SCN1A: variants seen among roughly 807,000 people sequenced by gnomAD.
The protein encoded by SCN1A is sodium channel protein type 1 subunit alpha.
In SCN1A, 13 loss-of-function variants were observed where a neutral mutation model predicts 193.7. The ratio of observed to expected loss-of-function variants is 0.07; its 90% CI spans 0.04 to 0.11. SCN1A has a LOEUF of 0.11. Ranked by LOEUF, SCN1A falls within the 10% of genes least tolerant of loss-of-function variation. The pLI is 1.00. For missense variants in SCN1A, 1,432 were observed against 2,451.1 expected, an observed-to-expected ratio of 0.58 and a Z score of 8.78; for synonymous variants, 781 against 843.6, an observed-to-expected ratio of 0.93 and a Z score of 1.29.
intron 2 of SCN1A, among the ~76,000 whole-genome samples, chr2:166,086,972 A>T (rs929397183): frequency 6.6e-6 from 1 of 152,062 alleles, no homozygotes; most frequent in Admixed American, 6.6e-5. Flanking sequence ...GTCTAGGTGT[A>T]TGATACTTGG....
intron 14 of SCN1A, among the ~76,000 whole-genome samples, chr2:166,043,177 A>G (rs1163816883): frequency 6.6e-6 from 1 of 152,220 alleles, no homozygotes; most frequent in Non-Finnish European, 1.5e-5. Context: ...GAGAAGACCT[A>G]TATCAGCATT....
chr2:166,054,943 A>G (rs2105903532), intron 6 of SCN1A, among the ~76,000 whole-genome samples, 177 bp from the exon 7 acceptor site: 1 of 152,124 alleles, frequency 6.6e-6, no homozygotes, highest in Non-Finnish European at 1.5e-5. Context: ...TCCTAACACA[A>G]AGAGTTGTTT....
intron 6 of SCN1A, among the ~76,000 whole-genome samples, chr2:166,056,144 G>A (rs1699106157): frequency 6.6e-6 from 1 of 151,962 alleles, no homozygotes; most frequent in Admixed American, 6.6e-5. Flanking sequence ...ACCACATTTG[G>A]TTTGGCTACT....
intron 2 of SCN1A, among the ~76,000 whole-genome samples, chr2:166,125,404 G>T (rs1691124723): frequency 1.3e-5 from 2 of 152,170 alleles, no homozygotes; most frequent in Admixed American, 6.5e-5. Flanking sequence ...AAGGTCCCCA[G>T]GCTAAATTTT....
At position 166,033,871 on chromosome 2, in the gene SCN1A, T is replaced by G. The variant is rs1295814302; in HGVS notation, c.3429+2177A>C. 5.3e-5 allele frequency among the ~76,000 whole-genome samples: 8 copies of G among 152,156 alleles called. No individual in the cohort carries two copies. In the South Asian group the frequency reaches 1.2e-3, roughly 24 times the overall value. On this transcript the variant is annotated intron_variant, in intron 19 of 28. Transcript: ENST00000674923. ...TATAACAGATAGCATATGGTAGCCA[T>G]TAGTCCTCATCAAATGCTAAATGTA...
rs551996542 is a variant in SCN1A, at chr2:165,991,222, C to T, written c.*23G>A. ...CACAGGCTGTAAACAATTTGTCACC[C>T]AATTATTTTTATTTATTTTCATTTA... On this transcript the variant is annotated 3_prime_UTR_variant, in exon 29 of 29. Coordinates refer to ENST00000674923, the MANE Select transcript of SCN1A (RefSeq NM_001165963.4). The T allele has an allele frequency of 6.4e-7, 1 of 1,574,778 alleles. No homozygotes were observed. The highest frequency in any genetic ancestry group is 2.3e-5 in the East Asian group (1 of 43,052).
chr2:166,126,551 A>G (rs1254717002), intron 2 of SCN1A: 1 of 152,210 alleles, frequency 6.6e-6, no homozygotes, highest in Admixed American at 6.5e-5. Flanking sequence ...GAATTTTCCT[A>G]TTTCTGTCTG....
chr2:166,134,365 A>T (rs1356456995), intron 1 of SCN1A, among the ~76,000 whole-genome samples: 1 of 152,194 alleles, frequency 6.6e-6, no homozygotes, highest in African/African-American at 2.4e-5. Flanking sequence ...AAGAAGCAAA[A>T]TGGAAGTGAG....
chr2:165,996,345 A>G (rs1690061650), intron 26 of SCN1A: 1 of 366,004 alleles, frequency 2.7e-6, no homozygotes, highest in Non-Finnish European at 5.0e-6. Flanking sequence ...TATGAAGACA[A>G]ACACCCCCAA....
intron 2 of SCN1A, among the ~76,000 whole-genome samples, chr2:166,101,398 T>C (rs1348846975): frequency 7.0e-6 from 1 of 143,368 alleles, no homozygotes; most frequent in East Asian, 2.2e-4. Context: ...TTGGGAGATA[T>C]ACCTAATGCT....
At chr2:166,007,161 C>T (rs1480739165) in intron 23 of SCN1A, 1 of 150,526 alleles carries the variant, frequency 6.6e-6, no homozygotes, top group Non-Finnish European at 1.5e-5. Context: ...CTTCCCAATC[C>T]CTCCCTCACC....
chr2:166,091,666 C>G (rs1294942969), intron 2 of SCN1A, among the ~76,000 whole-genome samples: 1 of 152,190 alleles, frequency 6.6e-6, no homozygotes. Context: ...AGACAAGACC[C>G]TTTTCCCTAT....
intron 7 of SCN1A, among the ~76,000 whole-genome samples, chr2:166,053,889 T>C (rs1698857134): frequency 6.6e-6 from 1 of 151,872 alleles, no homozygotes; most frequent in Non-Finnish European, 1.5e-5. Flanking sequence ...TGAGGAAGTT[T>C]GCCACTAGAA....
At position 166,121,362 on chromosome 2, in the gene SCN1A, T is replaced by A. The variant is rs564750670; in HGVS notation, c.-142+5562A>T. Among the ~76,000 whole-genome samples, 4 of 152,212 alleles carry A rather than the reference T, an allele frequency of 2.6e-5. No homozygotes were observed. The South Asian group carries it at 8.3e-4, about 32-fold the overall frequency. On this transcript the variant is annotated intron_variant, in intron 2 of 28. Coordinates refer to ENST00000674923, the MANE Select transcript of SCN1A (RefSeq NM_001165963.4). ...TTAAATTAACCTGAGTCAGTTTCAG[T>A]TACTTATTGTAATACTTTAATTTTT... is the stretch of plus-strand genomic sequence containing the variant.
intron 2 of SCN1A, among the ~76,000 whole-genome samples, chr2:166,101,593 A>C (rs535493440): frequency 6.6e-6 from 1 of 152,252 alleles, no homozygotes; most frequent in East Asian, 1.9e-4. Flanking sequence ...CGACGTTCTG[A>C]TCTTGAACAC....
At chr2:165,995,913 AT>A (rs1689966115) in intron 27 of SCN1A, 99 bp downstream of exon 27, 3 of 822,422 alleles carry the variant, frequency 3.6e-6, no homozygotes, top group Non-Finnish European at 6.2e-6. Context: ...AGTGAAAGAA[AT>A]TTTTTCTACT....
chr2:166,052,542 C>T (rs1457721535), intron 8 of SCN1A, among the ~76,000 whole-genome samples: 1 of 151,128 alleles, frequency 6.6e-6, no homozygotes, highest in African/African-American at 2.4e-5. Context: ...TCATTAATGA[C>T]TCTAATGAAT....
At chr2:166,032,333 A>G (rs7579402) in intron 19 of SCN1A, among the ~76,000 whole-genome samples, 2,322 of 136,676 alleles carry the variant, frequency 0.017, 63 homozygotes, top group African/African-American at 0.06. Context: ...GAAAATAGGC[A>G]AAAAGAATAA....
At chr2:166,029,519 G>A (rs193069159) in intron 19 of SCN1A, among the ~76,000 whole-genome samples, 99 of 152,250 alleles carry the variant, frequency 6.5e-4, no homozygotes, top group Non-Finnish European at 1.1e-3. Context: ...ATGTGCTTAG[G>A]TTGGAGATTG....
Sources: gnomAD v4.1 joint callset for allele counts (sites outside exome capture counted in the v4.1 genomes callset) on GRCh38, gnomAD v4.1.1 for gene constraint, MANE v1.5 for transcripts, NCBI Gene and HGNC (gene_info 2026-07-23, HGNC 2026-07-21) for gene names.